Variants in LRRC4C observed in about 807,000 individuals in gnomAD.
LRRC4C encodes the protein leucine rich repeat containing 4C.
A neutral mutation model predicts 33.6 loss-of-function variants in LRRC4C; 5 were observed. The ratio of observed to expected loss-of-function variants is 0.15; its 90% CI spans 0.08 to 0.31. The LOEUF is 0.31. Ranked by LOEUF, LRRC4C falls within the 10% of genes least tolerant of loss-of-function variation. The pLI is 1.00. For synonymous variants in LRRC4C, 329 were observed against 302.0 expected, an observed-to-expected ratio of 1.09 and a Z score of -0.93; for missense variants, 560 against 796.7, an observed-to-expected ratio of 0.70 and a Z score of 3.58.
At chr11:41,075,245 T>C (rs1018757526) in intron 1 of LRRC4C, among the ~76,000 whole-genome samples, 1 of 151,920 alleles carries the variant, frequency 6.6e-6, no homozygotes, top group Non-Finnish European at 1.5e-5. Context: ...ATACCAGCAG[T>C]GAAAGTGAGG....
intron 1 of LRRC4C, among the ~76,000 whole-genome samples, chr11:41,159,728 T>C (rs1565437209): frequency 6.6e-6 from 1 of 151,992 alleles, no homozygotes; most frequent in Non-Finnish European, 1.5e-5. Flanking sequence ...TATTTGACCC[T>C]GGAAAAGAAA....
intron 1 of LRRC4C, among the ~76,000 whole-genome samples, chr11:41,269,931 C>T (rs574846377): frequency 3.3e-5 from 5 of 152,168 alleles, no homozygotes; most frequent in African/African-American, 1.2e-4. Flanking sequence ...GAACTGAATT[C>T]AAATCCTAGT....
At chr11:40,333,363 A>G (rs1378110539) in intron 3 of LRRC4C, among the ~76,000 whole-genome samples, 1 of 152,176 alleles carries the variant, frequency 6.6e-6, no homozygotes, top group Non-Finnish European at 1.5e-5. Flanking sequence ...TTGTTTGTAC[A>G]TTTTAAAGGA....
At chr11:40,399,033 A>G (rs1949655146) in intron 3 of LRRC4C, among the ~76,000 whole-genome samples, 1 of 152,122 alleles carries the variant, frequency 6.6e-6, no homozygotes. Flanking sequence ...TATCCTTAAC[A>G]GATCATAAGG....
chr11:41,078,794 T>C (rs529808260), intron 1 of LRRC4C, among the ~76,000 whole-genome samples: 1 of 152,326 alleles, frequency 6.6e-6, no homozygotes, highest in East Asian at 1.9e-4. Flanking sequence ...TTTTTCCCCT[T>C]CATGTGCTCT....
At chr11:41,348,038 T>G (rs1951855834) in intron 1 of LRRC4C, among the ~76,000 whole-genome samples, 1 of 152,176 alleles carries the variant, frequency 6.6e-6, no homozygotes, top group Admixed American at 6.5e-5. Flanking sequence ...ACCTTCATCA[T>G]TTACATAAGT....
chr11:41,120,299 C>T (rs1367195966), intron 1 of LRRC4C, among the ~76,000 whole-genome samples: 1 of 152,184 alleles, frequency 6.6e-6, no homozygotes, highest in Non-Finnish European at 1.5e-5. Flanking sequence ...GTCCATCCAA[C>T]AAATATCTAT....
intron 3 of LRRC4C, among the ~76,000 whole-genome samples, chr11:40,432,761 A>G (rs1056627966): frequency 3.3e-5 from 5 of 152,182 alleles, no homozygotes; most frequent in African/African-American, 1.2e-4. Flanking sequence ...TCTCAAAATA[A>G]TTGTGCTCTT....
At chr11:40,133,810 G>T (rs1490674189) in intron 6 of LRRC4C, among the ~76,000 whole-genome samples, 1 of 151,942 alleles carries the variant, frequency 6.6e-6, no homozygotes, top group African/African-American at 2.4e-5. Flanking sequence ...ATGTAGATTT[G>T]AATAAGCAAA....
intron 1 of LRRC4C, among the ~76,000 whole-genome samples, chr11:41,433,042 G>A (rs893468581): frequency 6.6e-6 from 1 of 152,156 alleles, no homozygotes; most frequent in Non-Finnish European, 1.5e-5. Context: ...AGGTCACCCT[G>A]TGTCTTCTCC....
intron 2 of LRRC4C, among the ~76,000 whole-genome samples, chr11:40,824,021 T>G (rs191178354): frequency 6.6e-6 from 1 of 151,874 alleles, no homozygotes; most frequent in African/African-American, 2.4e-5. Context: ...AATATTATAT[T>G]AAGTGAAAGA....
chr11:40,469,879 C>T (rs937347893), intron 3 of LRRC4C, among the ~76,000 whole-genome samples: 2 of 152,152 alleles, frequency 1.3e-5, no homozygotes, highest in African/African-American at 2.4e-5. Context: ...GCAGCAGCCC[C>T]AGTCAGGGGC....
intron 5 of LRRC4C, among the ~76,000 whole-genome samples, chr11:40,184,838 AAG>A (rs1861283120): frequency 6.6e-6 from 1 of 152,206 alleles, no homozygotes; most frequent in Non-Finnish European, 1.5e-5. Flanking sequence ...CTTTTTAAGA[AAG>A]AGTCAATTAT....
At chr11:41,229,398 G>A (rs1373588888) in intron 1 of LRRC4C, among the ~76,000 whole-genome samples, 1 of 152,042 alleles carries the variant, frequency 6.6e-6, no homozygotes, top group Non-Finnish European at 1.5e-5. Context: ...ACCAGTGTAT[G>A]GTATTCTTTT....
intron 5 of LRRC4C, among the ~76,000 whole-genome samples, chr11:40,222,686 T>C (rs2135938906): frequency 6.6e-6 from 1 of 152,316 alleles, no homozygotes; most frequent in Middle Eastern, 3.4e-3. Flanking sequence ...ATCCATCACC[T>C]TCTATGTTAA....
At chr11:41,438,765 C>T (rs187752169) in intron 1 of LRRC4C, among the ~76,000 whole-genome samples, 8 of 152,238 alleles carry the variant, frequency 5.3e-5, no homozygotes, top group Admixed American at 1.3e-4. Flanking sequence ...TACTTTTTCT[C>T]ATTATTTCTT....
intron 1 of LRRC4C, among the ~76,000 whole-genome samples, chr11:41,283,103 A>C (rs989144921): frequency 6.6e-6 from 1 of 152,122 alleles, no homozygotes; most frequent in Non-Finnish European, 1.5e-5. Context: ...AATTTTAGAA[A>C]TTTTCCTAAA....
At chr11:40,415,543 G>C (rs556741253) in intron 3 of LRRC4C, among the ~76,000 whole-genome samples, 1 of 152,068 alleles carries the variant, frequency 6.6e-6, no homozygotes, top group Non-Finnish European at 1.5e-5. Context: ...ACAATGACTG[G>C]GTAAACTAGC....
chr11:40,403,801 T>C (rs959886073), intron 3 of LRRC4C, among the ~76,000 whole-genome samples: 2 of 152,130 alleles, frequency 1.3e-5, no homozygotes, highest in Non-Finnish European at 2.9e-5. Context: ...GCTCATTCTC[T>C]ACAAGCAGAA....
Sources: gnomAD v4.1 joint callset for allele counts (sites outside exome capture counted in the v4.1 genomes callset) on GRCh38, gnomAD v4.1.1 for gene constraint, MANE v1.5 for transcripts, NCBI Gene and HGNC (gene_info 2026-07-23, HGNC 2026-07-21) for gene names.